The following MTA3 variants were observed in gnomAD, a reference collection of about 807,000 sequenced individuals.
MTA3 encodes metastasis associated 1 family member 3.
Under a neutral mutation model 83.5 loss-of-function variants are expected in MTA3, and 34 were observed. The observed-to-expected ratio is 0.41, with a 90% CI of 0.31 to 0.54. The LOEUF is 0.54. Ranked by LOEUF, MTA3 falls within the 20% of genes least tolerant of loss-of-function variation. The pLI is 0.33. For missense variants in MTA3, 761 were observed against 726.4 expected (o/e 1.05, Z -0.55); for synonymous variants, 303 against 252.7 (o/e 1.20, Z -1.89).
chr2:42,669,136 G>A (rs552245693), intron 8 of MTA3, among the ~76,000 whole-genome samples: 2 of 148,784 alleles, frequency 1.3e-5, no homozygotes, highest in East Asian at 4.0e-4. Flanking sequence ...CCAGGCTGGA[G>A]TGCAGTGGTT....
chr2:42,527,052 CAAA>C (rs34030475), intron 2 of MTA3, among the ~76,000 whole-genome samples: 1 of 45,334 alleles, frequency 2.2e-5, no homozygotes, highest in Non-Finnish European at 4.0e-5. Context: ...GACTCTGTCT[CAAA>C]AAAAAAAAAA....
At chr2:42,749,518 A>G (rs1447280017) in intron 16 of MTA3, among the ~76,000 whole-genome samples, 1 of 152,116 alleles carries the variant, frequency 6.6e-6, no homozygotes, top group Non-Finnish European at 1.5e-5. Context: ...CCCGTGCTGG[A>G]GTGCAGTGGC....
At chr2:42,532,454 G>A (rs1169555199) in intron 2 of MTA3, among the ~76,000 whole-genome samples, 2 of 152,172 alleles carry the variant, frequency 1.3e-5, no homozygotes, top group African/African-American at 4.8e-5. Context: ...AGGTTGCAGT[G>A]AGCCAAGACT....
intron 16 of MTA3, among the ~76,000 whole-genome samples, chr2:42,744,549 A>G (rs1457934992): frequency 6.6e-6 from 1 of 152,068 alleles, no homozygotes; most frequent in East Asian, 1.9e-4. Context: ...CCTTTCCCCC[A>G]TTCTCAGTGA....
chr2:42,558,237 A>T (rs1331841627), intron 2 of MTA3, among the ~76,000 whole-genome samples: 10 of 139,430 alleles, frequency 7.2e-5, no homozygotes, highest in African/African-American at 2.7e-5. Flanking sequence ...TCACCTGAGG[A>T]CTTTTTTTTT....
chr2:42,727,620 A>G (rs920987335), intron 16 of MTA3, among the ~76,000 whole-genome samples: 8 of 152,076 alleles, frequency 5.3e-5, no homozygotes, highest in Non-Finnish European at 1.0e-4. Context: ...AAAAAGGGGT[A>G]TCTGAGTGTT....
chr2:42,529,095 G>A (rs1675845001), intron 2 of MTA3, among the ~76,000 whole-genome samples: 1 of 152,130 alleles, frequency 6.6e-6, no homozygotes, highest in African/African-American at 2.4e-5. Flanking sequence ...GCAGCTTTAG[G>A]CTAAACTTAA....
At chr2:42,750,196 G>A (rs1669769901) in intron 16 of MTA3, among the ~76,000 whole-genome samples, 2 of 151,902 alleles carry the variant, frequency 1.3e-5, no homozygotes, top group Admixed American at 1.3e-4. Flanking sequence ...TCACTCTGTT[G>A]GCCAGGCTGG....
chr2:42,515,965 T>C (rs925021643), intron 2 of MTA3, among the ~76,000 whole-genome samples: 38 of 151,760 alleles, frequency 2.5e-4, no homozygotes, highest in African/African-American at 7.7e-4. Context: ...TTCAGCCTCC[T>C]GAGTAGCTTG....
At chr2:42,719,685 T>C (rs919818111) in intron 15 of MTA3, among the ~76,000 whole-genome samples, 3 of 152,178 alleles carry the variant, frequency 2.0e-5, no homozygotes, top group East Asian at 1.9e-4. Context: ...TAAATATTTA[T>C]AGTTTTGGTG....
At chr2:42,595,417 A>T (rs868689648) in intron 3 of MTA3, among the ~76,000 whole-genome samples, 2 of 152,038 alleles carry the variant, frequency 1.3e-5, no homozygotes, top group African/African-American at 2.4e-5. Flanking sequence ...GCATGTTTTT[A>T]TATTTTTAAA....
At chr2:42,583,494 G>GA (rs1558458799) in intron 3 of MTA3, among the ~76,000 whole-genome samples, 1 of 152,068 alleles carries the variant, frequency 6.6e-6, no homozygotes, top group Non-Finnish European at 1.5e-5. Flanking sequence ...TAATTTTCCT[G>GA]AACTTTAGTT....
rs145387863 is a variant in MTA3, at chr2:42,677,840, G to A, written c.703-4561G>A. ...TCAGGTTTGTCTTGATCAGCAGTGT[G>A]AAAACAGACTAATACAGTGCGCTCC... On this transcript the variant is annotated intron_variant, in intron 8 of 16. Transcript: ENST00000405094. Among the ~76,000 whole-genome samples, 800 of 152,270 alleles carry A rather than the reference G, an allele frequency of 5.3e-3. 7 individuals are homozygous for A. Among genetic ancestry groups the A allele is most frequent in the Non-Finnish European group, 9.9e-3 (672 of 68,022 alleles).
At chr2:42,627,856 G>C (rs1292191142) in intron 4 of MTA3, among the ~76,000 whole-genome samples, 1 of 151,442 alleles carries the variant, frequency 6.6e-6, no homozygotes, top group Non-Finnish European at 1.5e-5. Context: ...GGGATTACAG[G>C]CATGAGCCAC....
chr2:42,621,247 T>C (rs1229860245), intron 4 of MTA3, among the ~76,000 whole-genome samples: 1 of 151,366 alleles, frequency 6.6e-6, no homozygotes, highest in Non-Finnish European at 1.5e-5. Context: ...TGAACAAAGG[T>C]CTCTGGTTTT....
At chr2:42,726,590 G>A (rs1667837408) in intron 16 of MTA3, among the ~76,000 whole-genome samples, 1 of 152,066 alleles carries the variant, frequency 6.6e-6, no homozygotes, top group Non-Finnish European at 1.5e-5. Flanking sequence ...CCACCTATGA[G>A]TGAGAACATG....
intron 2 of MTA3, among the ~76,000 whole-genome samples, chr2:42,531,844 C>T (rs1045259938): frequency 2.6e-5 from 4 of 151,778 alleles, no homozygotes; most frequent in African/African-American, 9.7e-5. Flanking sequence ...GCAAGCTCCG[C>T]CTCCTGGGTT....
At chr2:42,548,863 T>TATATATATA (rs1558428454) in intron 2 of MTA3, among the ~76,000 whole-genome samples, 72 of 11,818 alleles carry the variant, frequency 6.1e-3, no homozygotes, top group Non-Finnish European at 8.2e-3. Flanking sequence ...ATATATAATA[T>TATATATATA]ATATATATAT....
intron 2 of MTA3, among the ~76,000 whole-genome samples, chr2:42,501,157 G>C (rs1344599726): frequency 1.3e-5 from 2 of 152,138 alleles, no homozygotes; most frequent in Non-Finnish European, 2.9e-5. Flanking sequence ...GAAGTAACCA[G>C]CTAAAGGAAA....
Sources: gnomAD v4.1 joint callset for allele counts (sites outside exome capture counted in the v4.1 genomes callset) on GRCh38, gnomAD v4.1.1 for gene constraint, MANE v1.5 for transcripts, NCBI Gene and HGNC (gene_info 2026-07-23, HGNC 2026-07-21) for gene names.